TPP2: variants seen among roughly 807,000 people sequenced by gnomAD.
TPP2 encodes tripeptidyl-peptidase 2.
Under a neutral mutation model 155.9 loss-of-function variants are expected in TPP2, and 34 were observed. The ratio of observed to expected loss-of-function variants is 0.22; its 90% CI spans 0.17 to 0.29. The LOEUF (loss-of-function observed/expected upper bound fraction) is 0.29. Ranked by LOEUF, TPP2 falls within the 10% of genes least tolerant of loss-of-function variation. The pLI, the probability that TPP2 is intolerant of heterozygous loss-of-function variation, is 1.00. For synonymous variants in TPP2, 510 were observed against 529.4 expected, an observed-to-expected ratio of 0.96 and a Z score of 0.50; for missense variants, 1,028 against 1,522.3, an observed-to-expected ratio of 0.68 and a Z score of 5.40.
At chr13:102,618,601 T>C in intron 4 of TPP2, 121 bp from the exon 5 acceptor site, 1 of 1,325,490 alleles carries the variant, frequency 7.5e-7, no homozygotes, top group Non-Finnish European at 1.0e-6. Flanking sequence ...CAAAATTTTC[T>C]TACATTTTTT....
At chr13:102,653,799 A>C (rs2139562494) in intron 24 of TPP2, among the ~76,000 whole-genome samples, 1 of 152,338 alleles carries the variant, frequency 6.6e-6, no homozygotes, top group South Asian at 2.1e-4. Context: ...TTCAGTTACT[A>C]ACAATTTTAA....
At chr13:102,645,097 T>C in intron 19 of TPP2, 88 bp downstream of exon 19, 5 of 977,194 alleles carry the variant, frequency 5.1e-6, no homozygotes, top group East Asian at 5.4e-5. Context: ...TTTTTTTTTT[T>C]AATCCACCTG....
chr13:102,618,587 A>G lies in TPP2; in HGVS notation c.496-135A>G, dbSNP rs549762268. ...GAATTGAATGACAAGTTGCATAGAT[A>G]GAACAAAATTTTCTTACATTTTTTC... is the stretch of plus-strand genomic sequence containing the variant. On this transcript the variant is annotated intron_variant, in intron 4 of 29. Transcript: ENST00000376052. 1.5e-4 allele frequency: 168 copies of G among 1,133,502 alleles called. No individual in the cohort carries two copies. In the African/African-American group the frequency reaches 2.4e-3, roughly 16 times the overall value. 70.2% of individuals were successfully genotyped at this position (1,133,502 alleles called of 1,614,324 possible).
Position 102,596,989 on chromosome 13 carries a change from C to A in TPP2, c.-50C>A, listed in dbSNP as rs1042099776. 8 of 1,595,330 alleles carry A rather than the reference C, an allele frequency of 5.0e-6. 1 individual carries two copies. In the South Asian group the frequency reaches 8.9e-5, roughly 18 times the overall value. On this transcript the variant is annotated 5_prime_UTR_variant, in exon 1 of 30. Coordinates refer to ENST00000376052, the MANE Select transcript of TPP2 (RefSeq NM_001330588.2). Reference sequence around the variant, plus strand: ...GCACGGGTGTCCTCGCGCTGCTAGTCCGCGCGCAGCCTGGCAGTTTGCCGC... The same window carrying A: ...GCACGGGTGTCCTCGCGCTGCTAGTACGCGCGCAGCCTGGCAGTTTGCCGC...
At chr13:102,676,244 C>A in intron 28 of TPP2, 52 bp from the exon 29 acceptor site, 1 of 1,462,622 alleles carries the variant, frequency 6.8e-7, no homozygotes, top group Non-Finnish European at 9.3e-7. Flanking sequence ...AAGCTAATGC[C>A]TTAAAATGTA....
At chr13:102,599,271 TAAAA>T (rs1407199508) in intron 1 of TPP2, among the ~76,000 whole-genome samples, 1 of 152,246 alleles carries the variant, frequency 6.6e-6, no homozygotes, top group East Asian at 1.9e-4. Flanking sequence ...ATTCAGATGA[TAAAA>T]TATTGAAATA....
In TPP2 at chr13:102,616,504, G is replaced by C. The variant is rs376579048; in HGVS notation, c.495+4G>C. 9 of 1,604,196 alleles carry C rather than the reference G, an allele frequency of 5.6e-6. No homozygotes were observed. In the African/African-American group the frequency reaches 1.2e-4, roughly 21 times the overall value. The stretch of plus-strand genomic sequence containing the variant: ...TGCCAACAACGGCTCTTCTCAAGTT[G>C]GTGCTAGTCGATTTCATTTAAACAT... On this transcript the variant is annotated splice_donor_region_variant and intron_variant, in intron 4 of 29. Transcript: ENST00000376052.
intron 1 of TPP2, among the ~76,000 whole-genome samples, chr13:102,601,086 C>G (rs753873134): frequency 1.3e-5 from 2 of 152,076 alleles, no homozygotes; most frequent in Middle Eastern, 3.2e-3. Flanking sequence ...GAGACAGGGT[C>G]TCACTGTGTT....
intron 2 of TPP2, among the ~76,000 whole-genome samples, chr13:102,610,830 T>G (rs1880250563): frequency 6.6e-6 from 1 of 152,172 alleles, no homozygotes; most frequent in Non-Finnish European, 1.5e-5. Context: ...ATATATACAG[T>G]TTTATGAATA....
At chr13:102,644,436 G>T in intron 17 of TPP2, 121 bp from the exon 18 acceptor site, 2 of 806,686 alleles carry the variant, frequency 2.5e-6, no homozygotes, top group Non-Finnish European at 1.9e-6. Context: ...AAATTTTTGA[G>T]TTTTCTTGCT....
chr13:102,674,257 G>C (rs1238965687), intron 27 of TPP2, 26 bp from the exon 28 acceptor site: 1 of 1,591,894 alleles, frequency 6.3e-7, no homozygotes, highest in African/African-American at 1.4e-5. Flanking sequence ...ACTGATATCT[G>C]AAATATTTTT....
chr13:102,673,362 A>G (rs532774158), intron 27 of TPP2, among the ~76,000 whole-genome samples: 25 of 152,330 alleles, frequency 1.6e-4, no homozygotes, highest in African/African-American at 6.0e-4. Flanking sequence ...TTCCACAGCT[A>G]AGTGCCTCAA....
chr13:102,609,068 G>A (rs1180404158), intron 2 of TPP2, among the ~76,000 whole-genome samples: 1 of 152,154 alleles, frequency 6.6e-6, no homozygotes, highest in Non-Finnish European at 1.5e-5. Context: ...GGGGTTTAGG[G>A]GAGGAGTGAG....
At chr13:102,613,061 C>A (rs141147028) in intron 2 of TPP2, among the ~76,000 whole-genome samples, 97 of 152,220 alleles carry the variant, frequency 6.4e-4, no homozygotes, top group African/African-American at 2.2e-3. Flanking sequence ...GTTCAGAATT[C>A]CTATTCTTTA....
intron 24 of TPP2, among the ~76,000 whole-genome samples, chr13:102,654,199 G>T (rs990556065): frequency 6.6e-6 from 1 of 151,928 alleles, no homozygotes; most frequent in Non-Finnish European, 1.5e-5. Context: ...TGAAAATAGC[G>T]CCATTTTTCT....
intron 25 of TPP2, among the ~76,000 whole-genome samples, chr13:102,659,973 A>G (rs569702227): frequency 8.9e-4 from 102 of 114,630 alleles, no homozygotes; most frequent in African/African-American, 3.6e-3. Context: ...TAAAAAAATG[A>G]CTGCAGATAG....
rs16960258 is a variant in TPP2, at chr13:102,627,239, C to G, written c.939+73C>G. The G allele has an allele frequency of 0.11, 157,555 of 1,413,236 alleles. 10,223 individuals are homozygous for G. The highest frequency in any genetic ancestry group is 0.26 in the African/African-American group (17,795 of 68,804). 87.5% of individuals were successfully genotyped at this position (1,413,236 alleles called of 1,614,324 possible). On this transcript the variant is annotated intron_variant, in intron 7 of 29. Transcript: ENST00000376052. ...TTGGATATTTTTAGGTTTATAAGTGCTCCTAGTTTACCAAGAATACATTGA... is the reference window on the plus strand; with the variant it reads ...TTGGATATTTTTAGGTTTATAAGTGGTCCTAGTTTACCAAGAATACATTGA...
chr13:102,629,638 GT>G, intron 9 of TPP2, 29 bp downstream of exon 9: 1 of 1,546,842 alleles, frequency 6.5e-7, no homozygotes, highest in Non-Finnish European at 8.6e-7. Flanking sequence ...AAATAGATTT[GT>G]TTAGAAACAA....
chr13:102,640,495 G>A, intron 16 of TPP2, 119 bp downstream of exon 16: 1 of 761,414 alleles, frequency 1.3e-6, no homozygotes, highest in South Asian at 2.0e-5. Flanking sequence ...ATGTATTTGG[G>A]TACCTTAGAC....
Sources: gnomAD v4.1 joint callset for allele counts (sites outside exome capture counted in the v4.1 genomes callset) on GRCh38, gnomAD v4.1.1 for gene constraint, MANE v1.5 for transcripts, NCBI Gene and HGNC (gene_info 2026-07-23, HGNC 2026-07-21) for gene names.